TBC1D5: variants seen among roughly 807,000 people sequenced by gnomAD.
The protein encoded by TBC1D5 is TBC1 domain family, member 5.
TBC1D5 carries 75 observed loss-of-function variants against 100.3 expected under a neutral mutation model. The ratio of observed to expected loss-of-function variants is 0.75; its 90% CI spans 0.62 to 0.91. The LOEUF is 0.91. TBC1D5 is among the 40% of genes least tolerant of loss of function. The pLI is 0.00. For synonymous variants in TBC1D5, 323 were observed against 325.6 expected (o/e 0.99, Z 0.09); for missense variants, 910 against 942.4 (o/e 0.97, Z 0.45).
chr3:17,488,146 T>C (rs999928676), intron 3 of TBC1D5, among the ~76,000 whole-genome samples: 1 of 152,208 alleles, frequency 6.6e-6, no homozygotes, highest in Non-Finnish European at 1.5e-5. Flanking sequence ...CTTTCCTGTT[T>C]CCTGGGCCCC....
At chr3:17,178,788 T>C (rs937510746) in intron 19 of TBC1D5, among the ~76,000 whole-genome samples, 6 of 152,136 alleles carry the variant, frequency 3.9e-5, no homozygotes, top group African/African-American at 1.4e-4. Context: ...TACAGACATA[T>C]GCCACCATGC....
chr3:17,348,317 A>G (rs2090154440), intron 13 of TBC1D5, among the ~76,000 whole-genome samples: 1 of 152,170 alleles, frequency 6.6e-6, no homozygotes, highest in Non-Finnish European at 1.5e-5. Context: ...ACTGCCTGCT[A>G]ATATATTAAG....
At chr3:17,538,596 T>C (rs2096310939) in intron 2 of TBC1D5, among the ~76,000 whole-genome samples, 1 of 152,240 alleles carries the variant, frequency 6.6e-6, no homozygotes, top group Non-Finnish European at 1.5e-5. Flanking sequence ...TCTCTCCCTC[T>C]GCCTTAAACC....
At chr3:17,413,143 T>A (rs2093981497) in intron 4 of TBC1D5, among the ~76,000 whole-genome samples, 1 of 152,196 alleles carries the variant, frequency 6.6e-6, no homozygotes, top group Non-Finnish European at 1.5e-5. Context: ...AATTACTCTA[T>A]CTTGCAGATA....
intron 3 of TBC1D5, among the ~76,000 whole-genome samples, chr3:17,467,853 T>C (rs2095326505): frequency 6.6e-6 from 1 of 152,114 alleles, no homozygotes; most frequent in African/African-American, 2.4e-5. Context: ...GCCGAGATCA[T>C]GACACTGTAC....
intron 8 of TBC1D5, 36 bp from the exon 9 acceptor site, chr3:17,384,051 C>T (rs1022418966): frequency 2.0e-6 from 3 of 1,510,158 alleles, no homozygotes; most frequent in Admixed American, 1.7e-5. Flanking sequence ...AACTGACTAA[C>T]ACAGTTTCAA....
At chr3:17,273,018 T>G (rs2079587719) in intron 15 of TBC1D5, among the ~76,000 whole-genome samples, 1 of 152,186 alleles carries the variant, frequency 6.6e-6, no homozygotes. Context: ...ACAATCTTAT[T>G]GCTTGACTTT....
chr3:17,536,398 T>C (rs531402473), intron 2 of TBC1D5, among the ~76,000 whole-genome samples: 1 of 152,344 alleles, frequency 6.6e-6, no homozygotes, highest in South Asian at 2.1e-4. Context: ...AAAATACACA[T>C]ATTTACCAAC....
chr3:17,451,444 A>G (rs1426168836), intron 3 of TBC1D5, among the ~76,000 whole-genome samples: 5 of 152,198 alleles, frequency 3.3e-5, no homozygotes, highest in African/African-American at 9.7e-5. Flanking sequence ...CAAAACCACA[A>G]CGAGATACCA....
chr3:17,413,908 G>A (rs1415509355), intron 4 of TBC1D5, among the ~76,000 whole-genome samples: 1 of 152,156 alleles, frequency 6.6e-6, no homozygotes, highest in African/African-American at 2.4e-5. Context: ...TCTAATCATT[G>A]GTTAAGAGGA....
rs559916490 is a variant in TBC1D5 at position 17,737,130 on chromosome 3, G to A, written c.-101+2213C>T. ...GCATACCTCTGCAGCCGGTTCCTAA[G>A]ATATGTGCTTATTCCAACTCCATCA... On this transcript the variant is annotated intron_variant, in intron 1 of 21. Transcript: ENST00000253692. 2.6e-5 allele frequency among the ~76,000 whole-genome samples: 4 copies of A among 152,246 alleles called. No homozygotes were observed. In the South Asian group the frequency reaches 8.3e-4, roughly 32 times the overall value.
chr3:17,266,149 T>C (rs751714121), intron 15 of TBC1D5, among the ~76,000 whole-genome samples: 3 of 152,286 alleles, frequency 2.0e-5, no homozygotes, highest in Admixed American at 6.5e-5. Flanking sequence ...CTGGAAAAAT[T>C]TGTGGTCTGA....
At chr3:17,480,444 C>T (rs2150311851) in intron 3 of TBC1D5, among the ~76,000 whole-genome samples, 1 of 152,288 alleles carries the variant, frequency 6.6e-6, no homozygotes, top group East Asian at 1.9e-4. Flanking sequence ...TCCAGCCTGC[C>T]CTTGGACGAA....
intron 19 of TBC1D5, among the ~76,000 whole-genome samples, chr3:17,183,567 T>C (rs2068686301): frequency 6.6e-6 from 1 of 152,168 alleles, no homozygotes; most frequent in African/African-American, 2.4e-5. Flanking sequence ...CTATCAATCA[T>C]CTACCAGGGT....
intron 4 of TBC1D5, among the ~76,000 whole-genome samples, chr3:17,423,648 T>C (rs548177091): frequency 1.5e-3 from 224 of 152,212 alleles, no homozygotes; most frequent in African/African-American, 5.3e-3. Flanking sequence ...TGTACATTTT[T>C]CTTAAGAGTA....
chr3:17,674,970 G>C (rs1360878783), intron 1 of TBC1D5, among the ~76,000 whole-genome samples: 1 of 152,048 alleles, frequency 6.6e-6, no homozygotes, highest in Non-Finnish European at 1.5e-5. Context: ...TCCCAACCAT[G>C]TTTTATGAAG....
chr3:17,372,250 A>C lies in TBC1D5; in HGVS notation c.823-3T>G. On this transcript the variant is annotated splice_polypyrimidine_tract_variant and splice_region_variant and intron_variant, in intron 12 of 21. Coordinates refer to ENST00000253692, the Ensembl canonical transcript of TBC1D5. ...GGAGTCATCAGTGTTTCTTTCCCCTAAAAACAGAAAAATTGAACATGTATT... is the reference window on the plus strand; with the variant it reads ...GGAGTCATCAGTGTTTCTTTCCCCTCAAAACAGAAAAATTGAACATGTATT... 6.3e-7 allele frequency: 1 copy of C among 1,598,872 alleles called. No homozygotes were observed. The highest frequency in any genetic ancestry group is 8.5e-7 in the Non-Finnish European group (1 of 1,173,034).
intron 1 of TBC1D5, among the ~76,000 whole-genome samples, chr3:17,680,227 T>A (rs548907635): frequency 6.6e-6 from 1 of 151,060 alleles, no homozygotes; most frequent in African/African-American, 2.5e-5. Context: ...AGAATATATG[T>A]ATATTCGCTT....
intron 16 of TBC1D5, among the ~76,000 whole-genome samples, chr3:17,249,646 A>T (rs2077023306): frequency 6.6e-6 from 1 of 152,210 alleles, no homozygotes; most frequent in African/African-American, 2.4e-5. Flanking sequence ...CAGCCTGAAG[A>T]ACTGTGAGCC....
Sources: gnomAD v4.1 joint callset for allele counts (sites outside exome capture counted in the v4.1 genomes callset) on GRCh38, gnomAD v4.1.1 for gene constraint, MANE v1.5 for transcripts, NCBI Gene and HGNC (gene_info 2026-07-23, HGNC 2026-07-21) for gene names.